EPHA7: variants seen among roughly 807,000 people sequenced by gnomAD.
EPHA7 encodes the protein ephrin type-A receptor 7.
Under a neutral mutation model 112.6 loss-of-function variants are expected in EPHA7, and 25 were observed. The observed-to-expected ratio is 0.22, with a 90% CI of 0.16 to 0.31. The LOEUF is 0.31. Ranked by LOEUF, EPHA7 falls within the 10% of genes least tolerant of loss-of-function variation. The pLI is 1.00. For missense variants in EPHA7, 962 were observed against 1,212.6 expected (o/e 0.79, Z 3.07); for synonymous variants, 437 against 406.5 (o/e 1.07, Z -0.90).
chr6:93,264,544 T>TA (rs776826247), intron 8 of EPHA7, 50 bp downstream of exon 8: 5 of 1,235,484 alleles, frequency 4.0e-6, no homozygotes, highest in Non-Finnish European at 5.8e-6. Context: ...ACATAATTCT[T>TA]AAAAAACAAT....
In EPHA7 at chr6:93,410,987, G is replaced by A; in HGVS notation, c.346C>T (p.Leu116=). ...LRDCNSLPGV[L]GTCKETFNLY... ...TTAAATGTTTCCTTGCAAGTTCCCA[G>A]TACTCCAGGAAGACTGTTACAATCC... Residue 116 remains leucine (L), a synonymous_variant, in exon 3 of 17, where the codon CTG becomes TTG. Coordinates refer to ENST00000369303, the MANE Select transcript of EPHA7 (RefSeq NM_004440.4). The surrounding 1 kb of genome is among the most constrained non-coding windows in gnomAD (Gnocchi z 4.0). 5 of 1,613,984 alleles carry A rather than the reference G, an allele frequency of 3.1e-6. No homozygotes were observed. Among genetic ancestry groups the A allele is most frequent in the Non-Finnish European group, 4.2e-6 (5 of 1,179,960 alleles).
chr6:93,351,070 A>G (rs1483605901), intron 5 of EPHA7, among the ~76,000 whole-genome samples: 1 of 152,062 alleles, frequency 6.6e-6, no homozygotes, highest in Non-Finnish European at 1.5e-5. Context: ...CACTGAAGAA[A>G]TTATTTGCCC....
At chr6:93,273,114 C>T (rs988783955) in intron 5 of EPHA7, among the ~76,000 whole-genome samples, 1 of 151,950 alleles carries the variant, frequency 6.6e-6, no homozygotes, top group Admixed American at 6.6e-5. Flanking sequence ...TTCAAAGCTA[C>T]AATCTTGCTT....
intron 3 of EPHA7, among the ~76,000 whole-genome samples, chr6:93,395,236 A>G (rs900091443): frequency 1.3e-5 from 2 of 151,860 alleles, no homozygotes; most frequent in African/African-American, 4.8e-5. Context: ...TTTTGACTTG[A>G]TCTCTAACAA....
chr6:93,410,649 G>A lies in EPHA7; in HGVS notation c.684C>T (p.Val228=), dbSNP rs184362339. The A allele has an allele frequency of 1.2e-5, 19 of 1,613,908 alleles. No individual in the cohort carries two copies. The highest frequency in any genetic ancestry group is 1.2e-4 in the Admixed American group (7 of 59,938). The change falls in exon 3 of 17, where the codon GTC becomes GTT. Residue 228 remains valine, a synonymous_variant. Coordinates refer to ENST00000369303, the MANE Select transcript of EPHA7 (RefSeq NM_004440.4). This position sits in a 1 kb window ranked among gnomAD's most constrained non-coding sequence, Gnocchi z 4.0. ...TVTGSEFSSL[V]EVRGTCVSSA... ...TGCTGACACATGTCCCTCGAACCTC[G>A]ACTAAAGAGGAAAATTCTGAACCAG... is the stretch of plus-strand genomic sequence containing the variant.
intron 3 of EPHA7, among the ~76,000 whole-genome samples, chr6:93,361,861 T>A (rs894781791): frequency 1.3e-5 from 2 of 152,128 alleles, no homozygotes; most frequent in East Asian, 3.8e-4. Context: ...ATATAGTATG[T>A]ACCCTATGGA....
Position 93,243,325 on chromosome 6 carries a change from C to T in EPHA7, c.*101G>A. 1.2e-6 allele frequency: 1 copy of T among 827,500 alleles called. No individual in the cohort carries two copies. Among genetic ancestry groups the T allele is most frequent in the Non-Finnish European group, 1.9e-6 (1 of 513,496 alleles). 51.3% of individuals were successfully genotyped at this position (827,500 alleles called of 1,614,324 possible). ...ATCTTCTCTTCACTGTTGGAAGGAC[C>T]CAGGACATCACTTGTCTTCTAGCAG... On this transcript the variant is annotated 3_prime_UTR_variant, in exon 17 of 17. Transcript: ENST00000369303.
At chr6:93,377,445 T>C (rs1416227421) in intron 3 of EPHA7, among the ~76,000 whole-genome samples, 2 of 152,072 alleles carry the variant, frequency 1.3e-5, no homozygotes, top group Non-Finnish European at 2.9e-5. Flanking sequence ...GAAAAGTTAG[T>C]TTCATCCTTT....
intron 5 of EPHA7, among the ~76,000 whole-genome samples, chr6:93,306,286 T>A (rs1208524544): frequency 6.6e-6 from 1 of 151,990 alleles, no homozygotes; most frequent in Admixed American, 6.6e-5. Flanking sequence ...CTTAATATGA[T>A]AAGGGTACAA....
At chr6:93,246,699 G>T in intron 15 of EPHA7, 93 bp downstream of exon 15, 1 of 1,100,504 alleles carries the variant, frequency 9.1e-7, no homozygotes, top group Non-Finnish European at 1.3e-6. Context: ...CAACACAAAA[G>T]TCAATTTGCC....
chr6:93,281,684 T>C (rs1771746164), intron 5 of EPHA7, among the ~76,000 whole-genome samples: 2 of 152,178 alleles, frequency 1.3e-5, no homozygotes, highest in South Asian at 4.1e-4. Flanking sequence ...CTCAGAACTT[T>C]TTTTTAAATA....
intron 6 of EPHA7, among the ~76,000 whole-genome samples, chr6:93,270,741 T>C (rs1263789521): frequency 6.6e-6 from 1 of 151,768 alleles, no homozygotes; most frequent in Non-Finnish European, 1.5e-5. Flanking sequence ...GTGATTGTCC[T>C]CATTATAATC....
intron 3 of EPHA7, among the ~76,000 whole-genome samples, chr6:93,397,392 G>A (rs1200276873): frequency 6.6e-6 from 1 of 151,832 alleles, no homozygotes; most frequent in East Asian, 1.9e-4. Context: ...GGAGCCAGAA[G>A]CACCAGGAAC....
chr6:93,385,172 T>C (rs559036705), intron 3 of EPHA7, among the ~76,000 whole-genome samples: 4 of 152,256 alleles, frequency 2.6e-5, no homozygotes, highest in African/African-American at 9.6e-5. Flanking sequence ...TGTTGTTCTA[T>C]AAATGAAATT....
intron 5 of EPHA7, among the ~76,000 whole-genome samples, chr6:93,282,565 G>C (rs375876439): frequency 1.3e-5 from 2 of 152,352 alleles, no homozygotes; most frequent in African/African-American, 4.8e-5. Flanking sequence ...GGAGCCCTTC[G>C]ACCTGCGGCT....
intron 1 of EPHA7, among the ~76,000 whole-genome samples, chr6:93,416,574 C>T (rs1779238061): frequency 6.6e-6 from 1 of 152,198 alleles, no homozygotes; most frequent in African/African-American, 2.4e-5. Flanking sequence ...AACGTTTAAT[C>T]GGAAGCCGCT....
intron 3 of EPHA7, among the ~76,000 whole-genome samples, chr6:93,373,902 A>G (rs1004038170): frequency 6.6e-6 from 1 of 152,144 alleles, no homozygotes; most frequent in Non-Finnish European, 1.5e-5. Flanking sequence ...ACATAAAGGA[A>G]TAAAGGCTTT....
At chr6:93,281,486 A>G (rs1673745685) in intron 5 of EPHA7, among the ~76,000 whole-genome samples, 1 of 152,194 alleles carries the variant, frequency 6.6e-6, no homozygotes, top group Non-Finnish European at 1.5e-5. Context: ...CAAAATAATC[A>G]TAGAAATGAT....
chr6:93,312,063 G>C (rs1322030198), intron 5 of EPHA7, among the ~76,000 whole-genome samples: 1 of 152,136 alleles, frequency 6.6e-6, no homozygotes, highest in African/African-American at 2.4e-5. Context: ...TACACTAATA[G>C]AACACAGACA....
Sources: allele counts gnomAD v4.1 joint callset (sites outside exome capture counted in the v4.1 genomes callset), GRCh38; gene constraint gnomAD v4.1.1; non-coding constraint Gnocchi (gnomAD v3.1); transcripts MANE v1.5; gene names NCBI Gene and HGNC (gene_info 2026-07-23, HGNC 2026-07-21).